B3GALT1: variants seen among roughly 807,000 people sequenced by gnomAD.
The protein encoded by B3GALT1 is beta-1,3-galactosyltransferase 1, also known as UDP-Gal:betaGlcNAc beta 1,3-galactosyltransferase, polypeptide 1.
Under a neutral mutation model 23.2 loss-of-function variants are expected in B3GALT1, and 10 were observed. The ratio of observed to expected loss-of-function variants is 0.43; its 90% CI spans 0.27 to 0.73. The LOEUF (loss-of-function observed/expected upper bound fraction) is 0.73, where lower values mean the gene tolerates loss of function less well. B3GALT1 is among the 30% of genes least tolerant of loss of function. The pLI is 0.21. For missense variants in B3GALT1, 299 were observed against 405.4 expected (o/e 0.74, Z 2.25); for synonymous variants, 156 against 141.5 (o/e 1.10, Z -0.73).
intron 1 of B3GALT1, among the ~76,000 whole-genome samples, chr2:167,420,739 G>C (rs1698534872): frequency 6.6e-6 from 1 of 152,132 alleles, no homozygotes; most frequent in African/African-American, 2.4e-5. Flanking sequence ...GTTGCACCTA[G>C]ACTCATTCTC....
intron 1 of B3GALT1, among the ~76,000 whole-genome samples, chr2:167,468,097 G>C (rs2105329355): frequency 6.6e-6 from 1 of 152,232 alleles, no homozygotes; most frequent in African/African-American, 2.4e-5. Context: ...CAGTGAAAGA[G>C]CATATTTTTC....
At chr2:167,401,541 T>G (rs1698192066) in intron 1 of B3GALT1, among the ~76,000 whole-genome samples, 1 of 152,124 alleles carries the variant, frequency 6.6e-6, no homozygotes, top group Admixed American at 6.6e-5. Context: ...GCAGGCTGCC[T>G]TCTTTAACAA....
intron 3 of B3GALT1, among the ~76,000 whole-genome samples, chr2:167,691,590 A>G (rs7563669): frequency 0.031 from 4,727 of 152,212 alleles, 230 homozygotes; most frequent in African/African-American, 0.11. Flanking sequence ...CTTCAGGAGG[A>G]CAGTTTTTGT....
At chr2:167,583,584 G>A (rs1684527152) in intron 2 of B3GALT1, among the ~76,000 whole-genome samples, 1 of 152,040 alleles carries the variant, frequency 6.6e-6, no homozygotes, top group South Asian at 2.1e-4. Context: ...AGACTAATAT[G>A]CATTTCTCCA....
chr2:167,531,886 G>A (rs1272799154), intron 2 of B3GALT1, among the ~76,000 whole-genome samples: 8 of 151,920 alleles, frequency 5.3e-5, no homozygotes, highest in Non-Finnish European at 1.2e-4. Flanking sequence ...TGGCTCAATG[G>A]GTTTTTTCTG....
chr2:167,419,297 G>C (rs1698513534), intron 1 of B3GALT1, among the ~76,000 whole-genome samples: 1 of 152,192 alleles, frequency 6.6e-6, no homozygotes, highest in Admixed American at 6.5e-5. Flanking sequence ...CTTACCATCA[G>C]TAAATGAGGT....
At chr2:167,317,063 G>C (rs533500803) in intron 1 of B3GALT1, among the ~76,000 whole-genome samples, 2 of 152,066 alleles carry the variant, frequency 1.3e-5, no homozygotes, top group African/African-American at 4.8e-5. Context: ...AGGATTGAGC[G>C]GGGTGGATAT....
chr2:167,806,292 C>T (rs1168240886), intron 3 of B3GALT1, among the ~76,000 whole-genome samples: 32 of 152,124 alleles, frequency 2.1e-4, no homozygotes, highest in Admixed American at 2.1e-3. Context: ...AATTTGACTT[C>T]CTCTTTTCCT....
intron 2 of B3GALT1, among the ~76,000 whole-genome samples, chr2:167,543,828 A>G (rs75818286): frequency 1.3e-3 from 194 of 152,324 alleles, no homozygotes; most frequent in African/African-American, 4.3e-3. Flanking sequence ...GCATTTGGCT[A>G]CAAACAACAG....
intron 3 of B3GALT1, among the ~76,000 whole-genome samples, chr2:167,684,434 A>T (rs1382585498): frequency 1.3e-5 from 2 of 152,222 alleles, no homozygotes; most frequent in Admixed American, 6.5e-5. Context: ...AACAATCTGC[A>T]TTCGGTCCTG....
rs6728485 is a variant in B3GALT1 at position 167,836,160 on chromosome 2, A to G, written c.-230+17367A>G. ...AAAGTATCGCAGTTCCTCACCTTCA[A>G]TGGAACAAAGCTGGACGGAGAACGA... On this transcript the variant is annotated intron_variant, in intron 4 of 4. Coordinates refer to ENST00000392690, the MANE Select transcript of B3GALT1 (RefSeq NM_020981.4). Among the ~76,000 whole-genome samples the G allele has an allele frequency of 3.3e-3, 497 of 152,388 alleles. 3 individuals are homozygous for G. Among genetic ancestry groups the G allele is most frequent in the African/African-American group, 0.011 (469 of 41,598 alleles).
At chr2:167,386,966 C>T (rs762694036) in intron 1 of B3GALT1, among the ~76,000 whole-genome samples, 21 of 152,130 alleles carry the variant, frequency 1.4e-4, no homozygotes, top group Non-Finnish European at 2.6e-4. Flanking sequence ...TCCTTGGTTG[C>T]TTTAGGGCTC....
intron 1 of B3GALT1, among the ~76,000 whole-genome samples, chr2:167,358,459 T>A (rs1231252012): frequency 1.3e-5 from 2 of 152,212 alleles, no homozygotes; most frequent in Non-Finnish European, 2.9e-5. Flanking sequence ...TGTACACTTA[T>A]CGTTAACAGT....
intron 2 of B3GALT1, among the ~76,000 whole-genome samples, chr2:167,506,910 G>C (rs1374696666): frequency 6.6e-6 from 1 of 152,102 alleles, no homozygotes; most frequent in Non-Finnish European, 1.5e-5. Context: ...AAGTGAGTGA[G>C]TAGAACATGA....
In B3GALT1 at chr2:167,475,426, A is replaced by G. The variant is rs1041783094; in HGVS notation, c.-510-14751A>G. 5.3e-5 allele frequency among the ~76,000 whole-genome samples: 8 copies of G among 152,174 alleles called. 1 individual carries two copies. Among genetic ancestry groups the G allele is most frequent in the Admixed American group, 5.2e-4 (8 of 15,260 alleles). ...TTCAGATATACCAAAGAGAAGCCAT[A>G]AAGTACTTCCTTTAAAGGTGAAAGT... On this transcript the variant is annotated intron_variant, in intron 1 of 4. Coordinates refer to ENST00000392690, the MANE Select transcript of B3GALT1 (RefSeq NM_020981.4).
chr2:167,303,043 G>A (rs1394139018), intron 1 of B3GALT1, among the ~76,000 whole-genome samples: 1 of 152,148 alleles, frequency 6.6e-6, no homozygotes, highest in African/African-American at 2.4e-5. Context: ...TGATTTTGAT[G>A]ATCTCATGAA....
chr2:167,517,432 A>T (rs879548449), intron 2 of B3GALT1, among the ~76,000 whole-genome samples: 4 of 152,052 alleles, frequency 2.6e-5, no homozygotes, highest in Admixed American at 6.6e-5. Flanking sequence ...AAAAATAGCA[A>T]CTATTATACT....
chr2:167,781,037 T>G (rs1394415140), intron 3 of B3GALT1, among the ~76,000 whole-genome samples: 1 of 152,204 alleles, frequency 6.6e-6, no homozygotes, highest in East Asian at 1.9e-4. Flanking sequence ...AATGTAATAT[T>G]AGAGAGGGCT....
intron 1 of B3GALT1, among the ~76,000 whole-genome samples, chr2:167,332,628 A>T (rs1220811836): frequency 6.6e-6 from 1 of 152,236 alleles, no homozygotes; most frequent in Non-Finnish European, 1.5e-5. Context: ...TACAGGATGT[A>T]CTTTCTCTCT....
Sources: gnomAD v4.1 joint callset for allele counts (sites outside exome capture counted in the v4.1 genomes callset) on GRCh38, gnomAD v4.1.1 for gene constraint, MANE v1.5 for transcripts, NCBI Gene and HGNC (gene_info 2026-07-23, HGNC 2026-07-21) for gene names.